Variants in ELAVL4 observed in about 807,000 individuals in gnomAD.
ELAVL4 encodes the protein ELAV like RNA binding protein 4, also known as ELAV-like protein 4.
A neutral mutation model predicts 35.6 loss-of-function variants in ELAVL4; 1 was observed. That is an observed-to-expected ratio of 0.03 (90% CI 0.01 to 0.13). ELAVL4 has a LOEUF of 0.13. ELAVL4 is among the 10% of genes least tolerant of loss of function. The pLI, the probability that ELAVL4 is intolerant of heterozygous loss-of-function variation, is 1.00. For missense variants in ELAVL4, 267 were observed against 464.9 expected (o/e 0.57, Z 3.91); for synonymous variants, 156 against 171.0 (o/e 0.91, Z 0.69).
At chr1:50,088,629 A>T (rs1427758115) in intron 1 of ELAVL4, among the ~76,000 whole-genome samples, 1 of 152,212 alleles carries the variant, frequency 6.6e-6, no homozygotes, top group Non-Finnish European at 1.5e-5. Context: ...CAAGCCTCTT[A>T]AACTTCTTGA....
chr1:50,109,015 T>TCGGGGGGGGGGGGGGG lies in ELAVL4; in HGVS notation c.-174_-173insGGGGGGGGGGGGGGGC. 5 of 961,010 alleles carry TCGGGGGGGGGGGGGGG rather than the reference T, an allele frequency of 5.2e-6. No individual in the cohort carries two copies. The highest frequency in any genetic ancestry group is 1.9e-5 in the African/African-American group (1 of 51,578). 59.5% of individuals were successfully genotyped at this position (961,010 alleles called of 1,614,324 possible). On this transcript the variant is annotated 5_prime_UTR_variant, in exon 1 of 7. Coordinates refer to ENST00000371824, the MANE Select transcript of ELAVL4 (RefSeq NM_001144774.3). Reference sequence around the variant, plus strand: ...GCTCCTTTTCTTTTTTTTCTTTCTCTCCCCCGCCCACCCCCCCAAAAATAA... The same window carrying TCGGGGGGGGGGGGGGG: ...GCTCCTTTTCTTTTTTTTCTTTCTCTCGGGGGGGGGGGGGGGCCCCCGCCCACCCCCCCAAAAATAA...
upstream of ELAVL4, among the ~76,000 whole-genome samples, chr1:50,102,161 C>T (rs1666013299): frequency 6.6e-6 from 1 of 152,046 alleles, no homozygotes; most frequent in South Asian, 2.1e-4. Context: ...GTGGCGGGCA[C>T]CAGTAGTCCC....
chr1:50,109,015 T>TCGGGGGGGGGGGGG lies in ELAVL4; in HGVS notation c.-174_-173insGGGGGGGGGGGGGC. 13 of 960,878 alleles carry TCGGGGGGGGGGGGG rather than the reference T, an allele frequency of 1.4e-5. No homozygotes were observed. Among genetic ancestry groups the TCGGGGGGGGGGGGG allele is most frequent in the Non-Finnish European group, 1.6e-5 (13 of 816,768 alleles). 59.5% of individuals were successfully genotyped at this position (960,878 alleles called of 1,614,324 possible). ...GCTCCTTTTCTTTTTTTTCTTTCTCTCCCCCGCCCACCCCCCCAAAAATAA... is the reference window on the plus strand; with the variant it reads ...GCTCCTTTTCTTTTTTTTCTTTCTCTCGGGGGGGGGGGGGCCCCCGCCCACCCCCCCAAAAATAA... On this transcript the variant is annotated 5_prime_UTR_variant, in exon 1 of 7. Coordinates refer to ENST00000371824, the MANE Select transcript of ELAVL4 (RefSeq NM_001144774.3).
chr1:50,194,230 A>G (rs1160157553), intron 4 of ELAVL4, among the ~76,000 whole-genome samples: 1 of 152,198 alleles, frequency 6.6e-6, no homozygotes, highest in Admixed American at 6.5e-5. Context: ...TCAGCCCTCA[A>G]CCAAATAACA....
At chr1:50,132,814 A>G (rs1490554306) in intron 1 of ELAVL4, among the ~76,000 whole-genome samples, 1 of 152,184 alleles carries the variant, frequency 6.6e-6, no homozygotes, top group Non-Finnish European at 1.5e-5. Context: ...AGATTATAAA[A>G]CTGCTGTATT....
chr1:50,104,867 C>A (rs1382291299), upstream of ELAVL4, among the ~76,000 whole-genome samples: 1 of 152,110 alleles, frequency 6.6e-6, no homozygotes, highest in Admixed American at 6.6e-5. Flanking sequence ...TTATTCTTGG[C>A]AGAGGAGCAG....
chr1:50,122,117 G>T lies in ELAVL4; in HGVS notation c.9+12919G>T, dbSNP rs1190167633. On this transcript the variant is annotated intron_variant, in intron 1 of 6. Coordinates refer to ENST00000371824, the MANE Select transcript of ELAVL4 (RefSeq NM_001144774.3). ...GGTGGGTAAATTACAGCCAGTAATT[G>T]GTTGGGCCAGGATTTGATTTGAACC... Among the ~76,000 whole-genome samples the T allele has an allele frequency of 2.6e-5, 4 of 152,078 alleles. No individual in the cohort carries two copies. The East Asian group carries it at 5.8e-4, about 22-fold the overall frequency.
intron 1 of ELAVL4, among the ~76,000 whole-genome samples, chr1:50,119,177 A>T (rs1668609955): frequency 6.6e-6 from 1 of 152,144 alleles, no homozygotes; most frequent in Non-Finnish European, 1.5e-5. Context: ...GTCTTCACCA[A>T]GAATCTTTGG....
intron 6 of ELAVL4, 44 bp downstream of exon 6, chr1:50,197,511 G>A: frequency 6.7e-7 from 1 of 1,492,310 alleles, no homozygotes; most frequent in Non-Finnish European, 8.9e-7. Context: ...TGTTGGCACA[G>A]ACTGGGGCTA....
At chr1:50,182,934 C>G (rs1158912770) in intron 3 of ELAVL4, among the ~76,000 whole-genome samples, 1 of 151,236 alleles carries the variant, frequency 6.6e-6, no homozygotes, top group Non-Finnish European at 1.5e-5. Flanking sequence ...TCCAGCTCAC[C>G]ATAACCTCCA....
chr1:50,145,418 A>G (rs1346374158), intron 2 of ELAVL4, among the ~76,000 whole-genome samples: 1 of 152,192 alleles, frequency 6.6e-6, no homozygotes, highest in Non-Finnish European at 1.5e-5. Context: ...CTTCATCTTC[A>G]TGTAAAATGA....
At position 50,201,610 on chromosome 1, in the gene ELAVL4, A is replaced by G. The variant is rs1056432182; in HGVS notation, c.*432A>G. The G allele has an allele frequency of 2.6e-5, 4 of 152,078 alleles. No individual in the cohort carries two copies. Among genetic ancestry groups the G allele is most frequent in the African/African-American group, 9.7e-5 (4 of 41,440 alleles). The allele number at this position is 152,078 out of a possible 1,614,324, so 9.4% of individuals were successfully genotyped here. A position where few individuals can be genotyped will look rare whatever the true frequency, so the allele number is the denominator to read the frequency against. On this transcript the variant is annotated 3_prime_UTR_variant, in exon 7 of 7. Transcript: ENST00000371824. The surrounding 1 kb of genome is among the most constrained non-coding windows in gnomAD (Gnocchi z 4.3). ...ATAATAAAAATAAAACAATTTTTAC[A>G]AAGTAATGGGATTCAAAGAAAGGAA...
chr1:50,163,565 G>A (rs532164377), intron 2 of ELAVL4, among the ~76,000 whole-genome samples: 2 of 152,270 alleles, frequency 1.3e-5, no homozygotes, highest in African/African-American at 2.4e-5. Context: ...AGTGGCTCAC[G>A]CCTGTAATAC....
At chr1:50,171,580 G>T (rs1557828574) in intron 2 of ELAVL4, among the ~76,000 whole-genome samples, 2 of 152,198 alleles carry the variant, frequency 1.3e-5, no homozygotes, top group Non-Finnish European at 2.9e-5. Flanking sequence ...GCTGCTATTA[G>T]TCCCCATGTT....
intron 2 of ELAVL4, among the ~76,000 whole-genome samples, 156 bp from the exon 3 acceptor site, chr1:50,176,933 C>T (rs764447012): frequency 1.3e-4 from 20 of 152,048 alleles, no homozygotes; most frequent in South Asian, 4.2e-4. Context: ...GGGGGTAAAC[C>T]CTGGTGTAAG....
chr1:50,145,004 T>C lies in ELAVL4; in HGVS notation c.57T>C (p.Asn19=). 6.2e-7 allele frequency: 1 copy of C among 1,613,920 alleles called. No homozygotes were observed. Among genetic ancestry groups the C allele is most frequent in the Non-Finnish European group, 8.5e-7 (1 of 1,179,936 alleles). Residue 19 remains asparagine (N), a synonymous_variant, in exon 2 of 7, where the codon AAT becomes AAC. Transcript: ENST00000371824. ...AGGTGTCAAATGGTCCGACATCCAATACAAGCAATGGACCCTCCAGCAACA... is the reference window on the plus strand; with the variant it reads ...AGGTGTCAAATGGTCCGACATCCAACACAAGCAATGGACCCTCCAGCAACA... The part of the protein sequence containing the change: ...EPQVSNGPTS[N]TSNGPSSNNR...
At chr1:50,051,816 C>T (rs1393995461) in intron 1 of ELAVL4, among the ~76,000 whole-genome samples, 1 of 152,130 alleles carries the variant, frequency 6.6e-6, no homozygotes, top group Non-Finnish European at 1.5e-5. Flanking sequence ...ACAAATATCA[C>T]AGACTGGGAG....
intron 1 of ELAVL4, among the ~76,000 whole-genome samples, chr1:50,124,335 G>A (rs904728324): frequency 6.6e-6 from 1 of 152,048 alleles, no homozygotes; most frequent in Non-Finnish European, 1.5e-5. Flanking sequence ...CACAATAATA[G>A]TGACCCTTTA....
intron 1 of ELAVL4, among the ~76,000 whole-genome samples, chr1:50,048,337 CCTGCCCCCGCG>C (rs974864860): frequency 1.3e-5 from 2 of 152,208 alleles, no homozygotes; most frequent in Admixed American, 1.3e-4. Context: ...GCAAGAGGAT[CCTGCCCCCGCG>C]CTGCCCAGAC....
Sources: gnomAD v4.1 joint callset for allele counts (sites outside exome capture counted in the v4.1 genomes callset) on GRCh38, gnomAD v4.1.1 for gene constraint, Gnocchi (gnomAD v3.1) non-coding constraint, MANE v1.5 for transcripts, NCBI Gene and HGNC (gene_info 2026-07-23, HGNC 2026-07-21) for gene names.